The following TENM3 variants were observed in gnomAD, a reference collection of about 807,000 sequenced individuals.
TENM3 encodes the protein teneurin-3.
A neutral mutation model predicts 255.1 loss-of-function variants in TENM3; 63 were observed. That is an observed-to-expected ratio of 0.25 (90% CI 0.20 to 0.30). The LOEUF is 0.30. Ranked by LOEUF, TENM3 falls within the 10% of genes least tolerant of loss-of-function variation. The pLI is 1.00. For synonymous variants in TENM3, 1,306 were observed against 1,322.3 expected, an observed-to-expected ratio of 0.99 and a Z score of 0.27; for missense variants, 2,929 against 3,461.1, an observed-to-expected ratio of 0.85 and a Z score of 3.86.
At chr4:181,606,739 C>A in the TENM3 span, among the ~76,000 whole-genome samples, 3 of 151,952 alleles carry the variant, frequency 2.0e-5, no homozygotes, top group Admixed American at 1.3e-4. Context: ...GCAACTCTAG[C>A]AAAAGAAGGA....
chr4:182,523,997 G>C lies in TENM3; in HGVS notation c.512-76927G>C, dbSNP rs1271499664. On this transcript the variant is annotated intron_variant, in intron 3 of 27. Coordinates refer to ENST00000511685, the MANE Select transcript of TENM3 (RefSeq NM_001080477.4). ...ACCAGTTTAGAGGGAAGAATTTTCC[G>C]TAGGAAAAAAAAGAGCTAGAAATCT... Among the ~76,000 whole-genome samples the C allele has an allele frequency of 2.0e-5, 3 of 151,974 alleles. No homozygotes were observed. In the East Asian group the frequency reaches 5.8e-4, roughly 29 times the overall value.
intron 5 of TENM3, among the ~76,000 whole-genome samples, chr4:182,631,185 A>G (rs1751331817): frequency 6.6e-6 from 1 of 152,202 alleles, no homozygotes; most frequent in Non-Finnish European, 1.5e-5. Flanking sequence ...ACATGGCAAC[A>G]TGCAAATTAT....
At chr4:182,066,590 T>TAAAAA in the TENM3 span, among the ~76,000 whole-genome samples, 252 of 136,306 alleles carry the variant, frequency 1.8e-3, no homozygotes, top group African/African-American at 6.6e-3. Flanking sequence ...AGAATTATGG[T>TAAAAA]AAAAAAAAAA....
intron 1 of TENM3, among the ~76,000 whole-genome samples, chr4:182,232,964 T>C (rs1756675044): frequency 6.6e-6 from 1 of 152,196 alleles, no homozygotes; most frequent in Admixed American, 6.5e-5. Flanking sequence ...TTTTTATTTC[T>C]GGAATTTTCC....
intron 19 of TENM3, among the ~76,000 whole-genome samples, chr4:182,751,080 C>T (rs1015070720): frequency 6.6e-6 from 1 of 152,146 alleles, no homozygotes; most frequent in Non-Finnish European, 1.5e-5. Context: ...TGAGGCACTA[C>T]ATTTTGTATG....
the TENM3 span, among the ~76,000 whole-genome samples, chr4:181,697,746 T>C: frequency 2.0e-5 from 3 of 152,200 alleles, no homozygotes; most frequent in Non-Finnish European, 4.4e-5. Context: ...TCATTTATAT[T>C]ATTAAACACT....
At chr4:182,284,751 G>T (rs1760622825) in intron 1 of TENM3, among the ~76,000 whole-genome samples, 1 of 152,166 alleles carries the variant, frequency 6.6e-6, no homozygotes, top group African/African-American at 2.4e-5. Context: ...ACACTGAGTA[G>T]AACAGATGAG....
intron 3 of TENM3, among the ~76,000 whole-genome samples, chr4:182,565,396 T>A (rs767578885): frequency 3.3e-5 from 5 of 152,226 alleles, no homozygotes; most frequent in Non-Finnish European, 7.3e-5. Context: ...TTACTACAAA[T>A]AAGCAAGAAT....
At chr4:182,511,374 T>C (rs746983716) in intron 3 of TENM3, among the ~76,000 whole-genome samples, 37 of 152,298 alleles carry the variant, frequency 2.4e-4, no homozygotes, top group Middle Eastern at 6.8e-3. Flanking sequence ...TGTATACTTA[T>C]TATGCTTTGA....
chr4:181,990,482 A>T, the TENM3 span, among the ~76,000 whole-genome samples: 1 of 152,124 alleles, frequency 6.6e-6, no homozygotes, highest in East Asian at 1.9e-4. Flanking sequence ...TCTAGCCACT[A>T]GATTTACAGA....
the TENM3 span, among the ~76,000 whole-genome samples, chr4:182,049,519 G>A: frequency 1.3e-5 from 2 of 152,174 alleles, no homozygotes; most frequent in African/African-American, 2.4e-5. Context: ...CCATTCAAAC[G>A]TCACCCATTA....
the TENM3 span, among the ~76,000 whole-genome samples, chr4:181,856,123 A>AGGAAGAAAAG: frequency 7.1e-6 from 1 of 139,940 alleles, no homozygotes; most frequent in Non-Finnish European, 1.5e-5. Context: ...GGAAGAAGGA[A>AGGAAGAAAAG]GGAAAGAAGG....
At chr4:182,497,358 C>T (rs887106826) in intron 3 of TENM3, among the ~76,000 whole-genome samples, 3 of 152,074 alleles carry the variant, frequency 2.0e-5, no homozygotes, top group Non-Finnish European at 2.9e-5. Context: ...GCCTCACTTA[C>T]AGCTTTTAAA....
At position 182,529,385 on chromosome 4, in the gene TENM3, A is replaced by G. The variant is rs1363405957; in HGVS notation, c.512-71539A>G. Among the ~76,000 whole-genome samples, 10 of 152,282 alleles carry G rather than the reference A, an allele frequency of 6.6e-5. No individual in the cohort carries two copies. The East Asian group carries it at 1.7e-3, about 26-fold the overall frequency. On this transcript the variant is annotated intron_variant, in intron 3 of 27. Transcript: ENST00000511685. ...AAAAAGTGTTCAACATCGATTTTTC[A>G]TTAACTTTCTTATCACTTAGGAGTT...
At chr4:181,664,613 C>A in the TENM3 span, among the ~76,000 whole-genome samples, 1 of 152,290 alleles carries the variant, frequency 6.6e-6, no homozygotes, top group Non-Finnish European at 1.5e-5. Context: ...AATGTCTCTA[C>A]AGACTTCCAA....
chr4:182,765,134 T>A (rs1454331120), intron 22 of TENM3, among the ~76,000 whole-genome samples: 1 of 151,126 alleles, frequency 6.6e-6, no homozygotes. Context: ...AGCATGTGAT[T>A]AAAAAAAAAT....
At position 182,743,351 on chromosome 4, in the gene TENM3, C is replaced by T. The variant is rs151059384; in HGVS notation, c.3561C>T (p.Tyr1187=). The change falls in exon 19 of 28, where the codon TAC becomes TAT. Residue 1187 remains tyrosine (Y), a synonymous_variant. Coordinates refer to ENST00000511685, the MANE Select transcript of TENM3 (RefSeq NM_001080477.4). ...CTTGTGGGATCGATGGCAGTCTGTACGTAGGCGATTTCAACTATGTGCGGC... is the reference window on the plus strand; with the variant it reads ...CTTGTGGGATCGATGGCAGTCTGTATGTAGGCGATTTCAACTATGTGCGGC... ...ALACGIDGSL[Y]VGDFNYVRRI... 1,067 of 1,613,948 alleles carry T rather than the reference C, an allele frequency of 6.6e-4. 14 individuals carry two copies. The African/African-American group carries it at 0.013, about 19-fold the overall frequency.
chr4:181,620,892 A>G, the TENM3 span, among the ~76,000 whole-genome samples: 1 of 152,188 alleles, frequency 6.6e-6, no homozygotes, highest in Non-Finnish European at 1.5e-5. Context: ...GTTACCACTT[A>G]TGGAAAACAA....
At chr4:181,982,457 C>T in the TENM3 span, among the ~76,000 whole-genome samples, 100 of 152,254 alleles carry the variant, frequency 6.6e-4, no homozygotes, top group African/African-American at 2.3e-3. Context: ...TACCTCCTTT[C>T]ACAAAGAATG....
Sources: allele counts gnomAD v4.1 joint callset (sites outside exome capture counted in the v4.1 genomes callset), GRCh38; gene constraint gnomAD v4.1.1; transcripts MANE v1.5; gene names NCBI Gene and HGNC (gene_info 2026-07-23, HGNC 2026-07-21).